The following TCERG1 variants were observed in gnomAD, a reference collection of about 807,000 sequenced individuals.
TCERG1 encodes the protein transcription elongation regulator 1.
In TCERG1, 37 loss-of-function variants were observed where a neutral mutation model predicts 144.7. The observed-to-expected ratio is 0.26, with a 90% CI of 0.20 to 0.34. TCERG1 has a LOEUF of 0.34. Ranked by LOEUF, TCERG1 falls within the 10% of genes least tolerant of loss-of-function variation. The pLI is 1.00. For missense variants in TCERG1, 1,027 were observed against 1,380.7 expected (o/e 0.74, Z 4.06); for synonymous variants, 492 against 458.2 (o/e 1.07, Z -0.94).
At chr5:146,462,384 C>T (rs1182181214) in intron 4 of TCERG1, among the ~76,000 whole-genome samples, 2 of 151,948 alleles carry the variant, frequency 1.3e-5, no homozygotes, top group African/African-American at 2.4e-5. Flanking sequence ...AATGAATTAC[C>T]AAAATGAATT....
At chr5:146,485,849 C>T in intron 15 of TCERG1, among the ~76,000 whole-genome samples, 1 of 152,144 alleles carries the variant, frequency 6.6e-6, no homozygotes, top group East Asian at 1.9e-4. Flanking sequence ...CGTGCACCAC[C>T]ATGCCCGGCT....
intron 2 of TCERG1, among the ~76,000 whole-genome samples, chr5:146,456,796 C>A (rs1249750247): frequency 6.6e-6 from 1 of 152,102 alleles, no homozygotes; most frequent in Non-Finnish European, 1.5e-5. Flanking sequence ...CATTTTTATG[C>A]ACAGTGAAAA....
intron 12 of TCERG1, among the ~76,000 whole-genome samples, chr5:146,480,906 A>G (rs1765304375): frequency 6.6e-6 from 1 of 151,842 alleles, no homozygotes; most frequent in Non-Finnish European, 1.5e-5. Flanking sequence ...CATTTTTGCA[A>G]TTGACTTTTT....
chr5:146,480,692 G>T (rs530641452), intron 12 of TCERG1, among the ~76,000 whole-genome samples: 1 of 152,194 alleles, frequency 6.6e-6, no homozygotes, highest in Admixed American at 6.5e-5. Flanking sequence ...CAGCAAAAAG[G>T]AAAGTTTGAA....
Position 146,455,072 on chromosome 5 carries a change from G to C in TCERG1, c.76G>C (p.Ala26Pro). The C allele has an allele frequency of 1.2e-6, 2 of 1,614,206 alleles. No homozygotes were observed. Among genetic ancestry groups the C allele is most frequent in the Non-Finnish European group, 1.7e-6 (2 of 1,180,034 alleles). The change falls in exon 2 of 23, where the codon GCC becomes CCC. Residue 26 changes from alanine (A) to proline (P), a missense_variant. By Grantham distance (27) the Ala-to-Pro change is conservative. Transcript: ENST00000679501. ...PGELRMAQQQALRFRGPAPPP... is the reference protein window; with the variant it reads ...PGELRMAQQQPLRFRGPAPPP... ...CCCATGCAGGATGGCCCAACAGCAGGCCTTGAGGTTCCGAGGTCCGGCTCC... is the reference window on the plus strand; with the variant it reads ...CCCATGCAGGATGGCCCAACAGCAGCCCTTGAGGTTCCGAGGTCCGGCTCC...
At chr5:146,455,393 G>A (rs1414811904) in intron 2 of TCERG1, 112 bp downstream of exon 2, 4 of 1,184,842 alleles carry the variant, frequency 3.4e-6, no homozygotes, top group Non-Finnish European at 4.7e-6. Context: ...AGGAAAATGG[G>A]AGCTAAAGAG....
intron 5 of TCERG1, among the ~76,000 whole-genome samples, chr5:146,465,774 G>A (rs1435831012): frequency 6.6e-6 from 1 of 152,194 alleles, no homozygotes. Context: ...GCTTACGCCT[G>A]TAATCCCAGC....
intron 5 of TCERG1, among the ~76,000 whole-genome samples, chr5:146,467,785 T>G (rs1243861218): frequency 1.6e-4 from 24 of 152,228 alleles, no homozygotes; most frequent in Non-Finnish European, 4.4e-5. Context: ...TTCTTTTATT[T>G]AAAGTATTAT....
chr5:146,502,019 C>T (rs1483839984), intron 17 of TCERG1, among the ~76,000 whole-genome samples: 1 of 150,996 alleles, frequency 6.6e-6, no homozygotes, highest in East Asian at 1.9e-4. Context: ...TTCAGCCTCC[C>T]AAGTAGCTGG....
Position 146,507,153 on chromosome 5 carries a change from A to G in TCERG1, c.2907A>G (p.Ala969=). The G allele has an allele frequency of 1.2e-6, 2 of 1,610,458 alleles. No individual in the cohort carries two copies. Among genetic ancestry groups the G allele is most frequent in the Non-Finnish European group, 1.7e-6 (2 of 1,179,022 alleles). ...AGCTTTTTAATGAACACATTGAAGC[A>G]CTTACCAAAAAAAAGAGAGAGCACT... is the stretch of plus-strand genomic sequence containing the variant. ...KEKLFNEHIE[A]LTKKKREHFR... Residue 969 remains alanine (A), a synonymous_variant, in exon 20 of 23, where the codon GCA becomes GCG. Coordinates refer to ENST00000679501, the MANE Select transcript of TCERG1 (RefSeq NM_001382548.1). This position sits in a 1 kb window ranked among gnomAD's most constrained non-coding sequence, Gnocchi z 4.6.
intron 19 of TCERG1, 119 bp downstream of exon 19, chr5:146,504,125 A>T: frequency 1.9e-6 from 2 of 1,076,310 alleles, no homozygotes; most frequent in Non-Finnish European, 2.4e-6. Flanking sequence ...GCTAAATTAG[A>T]AAGCATTTAA....
At chr5:146,491,309 G>T (rs1368005810) in intron 15 of TCERG1, among the ~76,000 whole-genome samples, 2 of 151,960 alleles carry the variant, frequency 1.3e-5, no homozygotes, top group Non-Finnish European at 2.9e-5. Flanking sequence ...TAGCATTTAG[G>T]TGGGCCCTCG....
At chr5:146,462,041 A>G (rs1763376997) in intron 4 of TCERG1, 1 of 152,580 alleles carries the variant, frequency 6.6e-6, no homozygotes, top group South Asian at 2.1e-4. Context: ...TAGACCAACA[A>G]TTCATTCCTG....
At chr5:146,457,759 T>C (rs80327537) in intron 3 of TCERG1, among the ~76,000 whole-genome samples, 1 of 152,244 alleles carries the variant, frequency 6.6e-6, no homozygotes, top group Non-Finnish European at 1.5e-5. Flanking sequence ...AGGTCTGTTA[T>C]GTTGAATTTC....
In TCERG1 at chr5:146,507,630, C is replaced by G; in HGVS notation, c.2962-243C>G. 1 of 374,420 alleles carries G rather than the reference C, an allele frequency of 2.7e-6. No individual in the cohort carries two copies. The highest frequency in any genetic ancestry group is 2.1e-5 in the African/African-American group (1 of 48,012). The allele number at this position is 374,420 out of a possible 1,614,324, so 23.2% of individuals were successfully genotyped here. The stretch of plus-strand genomic sequence containing the variant: ...GTTATGATGTTTGCCCATGTAAATA[C>G]AGGGTTTGCAGGTGATTGTCTTAGG... On this transcript the variant is annotated intron_variant, in intron 20 of 22. Transcript: ENST00000679501. The surrounding 1 kb of genome is among the most constrained non-coding windows in gnomAD (Gnocchi z 4.6).
At chr5:146,468,244 A>G (rs1044266110) in intron 5 of TCERG1, 97 bp from the exon 6 acceptor site, 11 of 955,512 alleles carry the variant, frequency 1.2e-5, no homozygotes, top group Non-Finnish European at 1.6e-5. Context: ...TGGAAATAGC[A>G]TTCTAAATTG....
chr5:146,466,075 A>G (rs1424725521), intron 5 of TCERG1, among the ~76,000 whole-genome samples: 1 of 151,818 alleles, frequency 6.6e-6, no homozygotes, highest in African/African-American at 2.4e-5. Flanking sequence ...GTTTATTAAG[A>G]CTTTTTGGTA....
intron 2 of TCERG1, 126 bp downstream of exon 2, chr5:146,455,407 A>T: frequency 9.5e-7 from 1 of 1,048,718 alleles, no homozygotes; most frequent in Non-Finnish European, 1.4e-6. Context: ...TAAAGAGAAG[A>T]TCCATATATT....
intron 1 of TCERG1, among the ~76,000 whole-genome samples, chr5:146,453,797 G>C (rs564314031): frequency 2.4e-3 from 370 of 151,556 alleles, no homozygotes; most frequent in African/African-American, 8.2e-3. Context: ...AAATTGTGTT[G>C]TTATGACTCT....
Sources: gnomAD v4.1 joint callset for allele counts (sites outside exome capture counted in the v4.1 genomes callset) on GRCh38, gnomAD v4.1.1 for gene constraint, Gnocchi (gnomAD v3.1) non-coding constraint, MANE v1.5 for transcripts, NCBI Gene and HGNC (gene_info 2026-07-23, HGNC 2026-07-21) for gene names.